The following ENTPD4 variants were observed in gnomAD, a reference collection of about 807,000 sequenced individuals.
The protein encoded by ENTPD4 is Golgi UDPase.
Under a neutral mutation model 79.1 loss-of-function variants are expected in ENTPD4, and 60 were observed. The ratio of observed to expected loss-of-function variants is 0.76; its 90% CI spans 0.62 to 0.94. The LOEUF is 0.94. ENTPD4 is among the 40% of genes least tolerant of loss of function. The pLI, the probability that ENTPD4 is intolerant of heterozygous loss-of-function variation, is 0.00. For missense variants in ENTPD4, 772 were observed against 775.1 expected (o/e 1.00, Z 0.05); for synonymous variants, 276 against 292.0 (o/e 0.95, Z 0.56).
At chr8:23,443,513 G>A (rs776486863) in intron 6 of ENTPD4, among the ~76,000 whole-genome samples, 6 of 152,104 alleles carry the variant, frequency 3.9e-5, no homozygotes, top group Non-Finnish European at 5.9e-5. Context: ...TATCAAAGTC[G>A]AGAAGAAGCT....
intron 6 of ENTPD4, among the ~76,000 whole-genome samples, chr8:23,443,428 T>G (rs947112077): frequency 2.6e-5 from 4 of 152,230 alleles, no homozygotes; most frequent in African/African-American, 7.2e-5. Flanking sequence ...CCAAATAATT[T>G]CATTGACTTG....
At chr8:23,433,823 C>T (rs1800506135) in intron 12 of ENTPD4, among the ~76,000 whole-genome samples, 1 of 152,168 alleles carries the variant, frequency 6.6e-6, no homozygotes. Context: ...ATTGACTACA[C>T]TGAAATTACA....
intron 1 of ENTPD4, among the ~76,000 whole-genome samples, chr8:23,453,771 A>G (rs905318088): frequency 6.6e-6 from 1 of 152,140 alleles, no homozygotes; most frequent in African/African-American, 2.4e-5. Flanking sequence ...TCTACCCATC[A>G]CACTTCCAGA....
intron 1 of ENTPD4, 75 bp from the exon 2 acceptor site, chr8:23,450,072 T>C (rs1800832148): frequency 1.4e-6 from 1 of 730,356 alleles, no homozygotes; most frequent in South Asian, 1.6e-5. Context: ...AGTGTGTGCT[T>C]AAATCCAACC....
intron 9 of ENTPD4, among the ~76,000 whole-genome samples, chr8:23,438,782 A>T (rs1183896041): frequency 1.3e-5 from 2 of 152,234 alleles, no homozygotes; most frequent in Non-Finnish European, 2.9e-5. Context: ...AAAACTATTC[A>T]GTTAACTTTT....
At chr8:23,452,947 G>A (rs956777095) in intron 1 of ENTPD4, among the ~76,000 whole-genome samples, 1 of 152,164 alleles carries the variant, frequency 6.6e-6, no homozygotes, top group African/African-American at 2.4e-5. Flanking sequence ...GCCCCACTAG[G>A]GCAGGGACAG....
Position 23,429,806 on chromosome 8 carries a change from A to G in ENTPD4, c.*3120T>C. The G allele has an allele frequency of 4.1e-6, 4 of 985,480 alleles. No homozygotes were observed. Among genetic ancestry groups the G allele is most frequent in the Non-Finnish European group, 4.8e-6 (4 of 829,946 alleles). 61.0% of individuals were successfully genotyped at this position (985,480 alleles called of 1,614,324 possible). On this transcript the variant is annotated 3_prime_UTR_variant, in exon 13 of 13. Coordinates refer to ENST00000358689, the MANE Select transcript of ENTPD4 (RefSeq NM_004901.5). Reference sequence around the variant, plus strand: ...GCCCAGGTCAGAAAGCACTGCCTAAAGCCGGAGCTTAGGATGAACATGGGC... The same window carrying G: ...GCCCAGGTCAGAAAGCACTGCCTAAGGCCGGAGCTTAGGATGAACATGGGC...
intron 1 of ENTPD4, among the ~76,000 whole-genome samples, chr8:23,454,072 G>A (rs369687255): frequency 6.6e-6 from 1 of 152,148 alleles, no homozygotes; most frequent in African/African-American, 2.4e-5. Flanking sequence ...ATGAGATCAG[G>A]TATCATCTTT....
chr8:23,436,033 C>T (rs899817418), intron 10 of ENTPD4, among the ~76,000 whole-genome samples: 1 of 152,124 alleles, frequency 6.6e-6, no homozygotes, highest in Non-Finnish European at 1.5e-5. Context: ...AGGATGAAGA[C>T]ACTGCTGAGA....
intron 1 of ENTPD4, among the ~76,000 whole-genome samples, chr8:23,454,065 A>G (rs1800911427): frequency 6.6e-6 from 1 of 152,236 alleles, no homozygotes; most frequent in Non-Finnish European, 1.5e-5. Context: ...CTGGGCAATG[A>G]GATCAGGTAT....
chr8:23,429,932 G>A lies in ENTPD4; in HGVS notation c.*2994C>T. 5.1e-6 allele frequency: 5 copies of A among 985,466 alleles called. No individual in the cohort carries two copies. Among genetic ancestry groups the A allele is most frequent in the Non-Finnish European group, 6.0e-6 (5 of 829,932 alleles). 61.0% of individuals were successfully genotyped at this position (985,466 alleles called of 1,614,324 possible). A position where few individuals can be genotyped will look rare whatever the true frequency, so the allele number is the denominator to read the frequency against. On this transcript the variant is annotated 3_prime_UTR_variant, in exon 13 of 13. Transcript: ENST00000358689. ...CATCCCCTGGAGGAGGTTTAAAAGTGAGAAGCCCATGATATGGCTATGGAA... is the reference window on the plus strand; with the variant it reads ...CATCCCCTGGAGGAGGTTTAAAAGTAAGAAGCCCATGATATGGCTATGGAA...
In ENTPD4 at chr8:23,432,611, G is replaced by T. The variant is rs189128330; in HGVS notation, c.*315C>A. The T allele has an allele frequency of 9.8e-4, 646 of 656,654 alleles. 6 individuals are homozygous for T. In the African/African-American group the frequency reaches 0.012, roughly 12 times the overall value. 40.7% of individuals were successfully genotyped at this position (656,654 alleles called of 1,614,324 possible). On this transcript the variant is annotated 3_prime_UTR_variant, in exon 13 of 13. Coordinates refer to ENST00000358689, the MANE Select transcript of ENTPD4 (RefSeq NM_004901.5). ...CCTCCCAGGTTCATGCCATTCTCCT[G>T]CCTCAGCCTCCTGAGTAGCTGGGAC...
At position 23,440,515 on chromosome 8, in the gene ENTPD4, C is replaced by T. The variant is rs554474601; in HGVS notation, c.883-600G>A. 1.8e-4 allele frequency among the ~76,000 whole-genome samples: 28 copies of T among 152,022 alleles called. 1 individual carries two copies. The highest frequency in any genetic ancestry group is 5.3e-4 in the African/African-American group (22 of 41,464). ...TTGATTTTTCAGTATTTATTCCAAA[C>T]GTTATTTCTATGTATTTTTTACTTT... On this transcript the variant is annotated intron_variant, in intron 8 of 12. Transcript: ENST00000358689.
chr8:23,457,479 GC>G, intron 1 of ENTPD4, 77 bp downstream of exon 1: 1 of 150,516 alleles, frequency 6.6e-6, no homozygotes, highest in Non-Finnish European at 1.5e-5. Context: ...CGCGCCGCCG[GC>G]CCCCGCACTC....
intron 1 of ENTPD4, 59 bp from the exon 2 acceptor site, chr8:23,450,056 T>TA (rs1271129624): frequency 1.5e-5 from 13 of 855,756 alleles, no homozygotes; most frequent in Non-Finnish European, 2.1e-5. Flanking sequence ...ACATCTACGT[T>TA]CTTTAAGTGT....
At chr8:23,434,586 G>C (rs965466654) in intron 11 of ENTPD4, 108 bp from the exon 12 acceptor site, 25 of 1,525,228 alleles carry the variant, frequency 1.6e-5, no homozygotes, top group Non-Finnish European at 2.2e-5. Context: ...TTGGGGCAGG[G>C]GCTTCCTCAG....
In ENTPD4 at chr8:23,430,009, T is replaced by C. The variant is rs1362168641; in HGVS notation, c.*2917A>G. On this transcript the variant is annotated 3_prime_UTR_variant, in exon 13 of 13. Coordinates refer to ENST00000358689, the MANE Select transcript of ENTPD4 (RefSeq NM_004901.5). ...CTACCAAGATTGAACACAATGCTTT[T>C]CTTTGATAAAGCTTTGGGCAAGTTC... 13 of 985,472 alleles carry C rather than the reference T, an allele frequency of 1.3e-5. No homozygotes were observed. Among genetic ancestry groups the C allele is most frequent in the Middle Eastern group, 5.2e-4 (1 of 1,914 alleles). The allele number at this position is 985,472 out of a possible 1,614,324, so 61.0% of individuals were successfully genotyped here. A position where few individuals can be genotyped will look rare whatever the true frequency, so the allele number is the denominator to read the frequency against.
In ENTPD4 at chr8:23,433,203, G is replaced by C. The variant is rs753867940; in HGVS notation, c.1623-49C>G. Reference sequence around the variant, plus strand: ...CAAACAGGACAGTAAGCAAGGAAAGGGGTGGAAAGGGTGCACAGGGGGACG... The same window carrying C: ...CAAACAGGACAGTAAGCAAGGAAAGCGGTGGAAAGGGTGCACAGGGGGACG... On this transcript the variant is annotated intron_variant, in intron 12 of 12. Coordinates refer to ENST00000358689, the MANE Select transcript of ENTPD4 (RefSeq NM_004901.5). 3 of 1,531,476 alleles carry C rather than the reference G, an allele frequency of 2.0e-6. No individual in the cohort carries two copies. In the African/African-American group the frequency reaches 4.1e-5, roughly 21 times the overall value. 94.9% of individuals were successfully genotyped at this position (1,531,476 alleles called of 1,614,324 possible).
At chr8:23,454,818 G>C (rs1388230936) in intron 1 of ENTPD4, among the ~76,000 whole-genome samples, 1 of 152,178 alleles carries the variant, frequency 6.6e-6, no homozygotes, top group Non-Finnish European at 1.5e-5. Flanking sequence ...GCTTATAACT[G>C]CTGAAGCACT....
Sources: allele counts gnomAD v4.1 joint callset (sites outside exome capture counted in the v4.1 genomes callset), GRCh38; gene constraint gnomAD v4.1.1; transcripts MANE v1.5; gene names NCBI Gene and HGNC (gene_info 2026-07-23, HGNC 2026-07-21).